ALS2: variants seen among roughly 807,000 people sequenced by gnomAD.
The protein encoded by ALS2 is alsin Rho guanine nucleotide exchange factor ALS2.
In ALS2, 117 loss-of-function variants were observed where a neutral mutation model predicts 203.4. The observed-to-expected ratio is 0.58, with a 90% confidence interval of 0.50 to 0.67. The LOEUF (loss-of-function observed/expected upper bound fraction) is 0.67, where lower values mean the gene tolerates loss of function less well. ALS2 is among the 30% of genes least tolerant of loss of function. The pLI, the probability that ALS2 is intolerant of heterozygous loss-of-function variation, is 0.00. For missense variants in ALS2, 1,715 were observed against 1,989.4 expected, an observed-to-expected ratio of 0.86 and a Z score of 2.62; for synonymous variants, 718 against 725.9, an observed-to-expected ratio of 0.99 and a Z score of 0.17.
chr2:201,744,858 G>T (rs1692526859), intron 9 of ALS2, among the ~76,000 whole-genome samples: 1 of 152,182 alleles, frequency 6.6e-6, no homozygotes, highest in Admixed American at 6.5e-5. Flanking sequence ...TAAGATTAAT[G>T]AGACCAGGGA....
Position 201,704,559 on chromosome 2 carries a change from G to A in ALS2, c.4733C>T (p.Thr1578Ile), listed in dbSNP as rs1411563415. Residue 1578 changes from threonine to isoleucine, a missense_variant, in exon 32 of 34, where the codon ACT (threonine) becomes ATT (isoleucine). By Grantham distance (89) the Thr-to-Ile change is moderately conservative. This residue lies in a region of ALS2 where 1,227 missense variants were observed against 1,413.5 expected (regional missense o/e 0.87). Coordinates refer to ENST00000264276, the MANE Select transcript of ALS2 (RefSeq NM_020919.4). Reference protein sequence around the residue: ...PSDKLKVIQQTFEEISQSVLA... With the variant: ...PSDKLKVIQQIFEEISQSVLA... Reference sequence around the variant, plus strand: ...GACACTCTGAGAGATCTCCTCAAAAGTCTGCTGGATGACCTTAAGTTTGTC... The same window carrying A: ...GACACTCTGAGAGATCTCCTCAAAAATCTGCTGGATGACCTTAAGTTTGTC... 4 of 1,614,144 alleles carry A rather than the reference G, an allele frequency of 2.5e-6. No individual in the cohort carries two copies. The highest frequency in any genetic ancestry group is 3.3e-5 in the Admixed American group (2 of 60,014).
chr2:201,714,581 C>A (rs1690247911), intron 25 of ALS2, among the ~76,000 whole-genome samples: 1 of 152,182 alleles, frequency 6.6e-6, no homozygotes, highest in African/African-American at 2.4e-5. Flanking sequence ...TATGCTGAGT[C>A]TTGTGAATTC....
At chr2:201,759,759 A>G (rs1693644264) in intron 4 of ALS2, 2 of 985,286 alleles carry the variant, frequency 2.0e-6, no homozygotes, top group Non-Finnish European at 2.4e-6. Context: ...CAGAGTAAAC[A>G]ATAAGAATTG....
chr2:201,728,436 A>ATAAACTGATAG, intron 15 of ALS2, 76 bp downstream of exon 15: 1 of 1,576,352 alleles, frequency 6.3e-7, no homozygotes, highest in Non-Finnish European at 8.7e-7. Context: ...AGTTTTGAAC[A>ATAAACTGATAG]TAAACTGATA....
At chr2:201,760,067 A>T in intron 4 of ALS2, 1 of 934,402 alleles carries the variant, frequency 1.1e-6, no homozygotes, top group East Asian at 1.2e-4. Flanking sequence ...TCATGCCTGT[A>T]ATCTCAACAC....
intron 29 of ALS2, among the ~76,000 whole-genome samples, 159 bp downstream of exon 29, chr2:201,706,687 T>C (rs1180872671): frequency 6.6e-6 from 1 of 151,416 alleles, no homozygotes; most frequent in Non-Finnish European, 1.5e-5. Flanking sequence ...TTCTCAGAAA[T>C]AAAGATTATT....
rs1214757167 is a variant in ALS2, at chr2:201,706,860, A to G, written c.4566T>C (p.Phe1522=). Residue 1522 remains phenylalanine (F), a synonymous_variant, in exon 29 of 34, where the codon TTT becomes TTC. Coordinates refer to ENST00000264276, the MANE Select transcript of ALS2 (RefSeq NM_020919.4). ...NKQPDIALLG[F]LGVQRKFWPA... The stretch of plus-strand genomic sequence containing the variant: ...ACTACACTTACCTCTGCACCCCAAG[A>G]AAGCCCAGGAGAGCAATATCTGGCT... 27 of 1,613,960 alleles carry G rather than the reference A, an allele frequency of 1.7e-5. No homozygotes were observed. In the East Asian group the frequency reaches 5.8e-4, roughly 35 times the overall value.
chr2:201,702,476 G>A (rs1293069622), intron 33 of ALS2, among the ~76,000 whole-genome samples: 4 of 152,046 alleles, frequency 2.6e-5, no homozygotes, highest in Non-Finnish European at 5.9e-5. Flanking sequence ...CACATTTTTT[G>A]ATGTTGTTGA....
chr2:201,752,673 A>T (rs1693137524), intron 7 of ALS2, among the ~76,000 whole-genome samples: 1 of 151,664 alleles, frequency 6.6e-6, no homozygotes, highest in African/African-American at 2.4e-5. Flanking sequence ...GTCTGGGTTT[A>T]AAAAAAAACT....
intron 13 of ALS2, among the ~76,000 whole-genome samples, chr2:201,731,094 GT>G (rs1487061285): frequency 6.6e-6 from 1 of 152,180 alleles, no homozygotes; most frequent in Non-Finnish European, 1.5e-5. Flanking sequence ...GGAGCAGAAG[GT>G]AAGATCAAAG....
chr2:201,770,000 G>A (rs1694301267), intron 1 of ALS2, among the ~76,000 whole-genome samples: 6 of 152,138 alleles, frequency 3.9e-5, no homozygotes. Flanking sequence ...TGGGTACTAT[G>A]TTAACAAGAG....
At chr2:201,728,379 A>T in intron 15 of ALS2, 133 bp downstream of exon 15, 1 of 1,300,962 alleles carries the variant, frequency 7.7e-7, no homozygotes, top group Non-Finnish European at 1.1e-6. Flanking sequence ...GTTTGCTGAG[A>T]ATGATGGCTA....
intron 13 of ALS2, 116 bp downstream of exon 13, chr2:201,733,160 A>T (rs1691680069): frequency 9.1e-7 from 1 of 1,097,318 alleles, no homozygotes; most frequent in Non-Finnish European, 1.3e-6. Flanking sequence ...AAATTTAATT[A>T]GACACAGGTA....
At chr2:201,753,642 C>T (rs1026701489) in intron 6 of ALS2, among the ~76,000 whole-genome samples, 3 of 152,168 alleles carry the variant, frequency 2.0e-5, no homozygotes, top group African/African-American at 7.2e-5. Context: ...ATTCCAATTA[C>T]TCACTTAAAA....
At position 201,733,362 on chromosome 2, in the gene ALS2, T is replaced by C; in HGVS notation, c.2494A>G (p.Ile832Val). The C allele has an allele frequency of 2.5e-6, 4 of 1,612,704 alleles. No homozygotes were observed. Among genetic ancestry groups the C allele is most frequent in the Non-Finnish European group, 3.4e-6 (4 of 1,178,988 alleles). The change falls in exon 13 of 34, where the codon ATA becomes GTA. Residue 832 changes from isoleucine to valine, a missense_variant. Transcript: ENST00000264276. Reference protein sequence around the residue: ...VNDENTQLMEILNTLFFLPIR... With the variant: ...VNDENTQLMEVLNTLFFLPIR... ...GGCAAGAAAAACAAAGTATTCAGTA[T>C]TTCCATCAACTGAGTGTTTTCGTCA...
At chr2:201,737,645 G>A (rs1381861617) in intron 12 of ALS2, among the ~76,000 whole-genome samples, 1 of 152,148 alleles carries the variant, frequency 6.6e-6, no homozygotes, top group Non-Finnish European at 1.5e-5. Context: ...CATGGGGCTG[G>A]GCATGGTGGC....
At chr2:201,701,968 G>T in intron 33 of ALS2, 79 bp from the exon 34 acceptor site, 1 of 1,288,958 alleles carries the variant, frequency 7.8e-7, no homozygotes, top group Non-Finnish European at 1.1e-6. Context: ...TGGGACTAAA[G>T]AAACAAAATC....
In ALS2 at chr2:201,753,242, C is replaced by A; in HGVS notation, c.1641G>T (p.Arg547Ser). The A allele has an allele frequency of 6.2e-7, 1 of 1,613,588 alleles. No individual in the cohort carries two copies. The highest frequency in any genetic ancestry group is 8.5e-7 in the Non-Finnish European group (1 of 1,179,576). ...GQLGHGDVLP[R>S]LQPLCVKCLD... is the part of the protein sequence containing the mutation. ...GACATTTTACACACAACGGTTGAAGCCTTAAAAAGAAACACACAGGCACAC... is the reference window on the plus strand; with the variant it reads ...GACATTTTACACACAACGGTTGAAGACTTAAAAAGAAACACACAGGCACAC... Residue 547 changes from arginine to serine, a missense_variant and splice_region_variant, in exon 7 of 34, where the codon AGG becomes AGT. Transcript: ENST00000264276.
chr2:201,720,173 C>T (rs1690675378), intron 23 of ALS2: 1 of 409,812 alleles, frequency 2.4e-6, no homozygotes, highest in South Asian at 1.7e-5. Flanking sequence ...AAGAAAACTA[C>T]AGACCATTAC....
Sources: allele counts gnomAD v4.1 joint callset (sites outside exome capture counted in the v4.1 genomes callset), GRCh38; gene constraint gnomAD v4.1.1; regional missense constraint gnomAD v4.1.1; transcripts MANE v1.5; gene names NCBI Gene and HGNC (gene_info 2026-07-23, HGNC 2026-07-21).